WRN: variants seen among roughly 807,000 people sequenced by gnomAD.
WRN encodes the protein bifunctional 3'-5' exonuclease/ATP-dependent helicase WRN.
Under a neutral mutation model 180.7 loss-of-function variants are expected in WRN, and 149 were observed. The observed-to-expected ratio is 0.82, with a 90% confidence interval of 0.72 to 0.94. The LOEUF is 0.94. WRN is among the 40% of genes least tolerant of loss of function. The pLI, the probability that WRN is intolerant of heterozygous loss-of-function variation, is 0.00. For synonymous variants in WRN, 548 were observed against 568.9 expected (o/e 0.96, Z 0.52); for missense variants, 1,661 against 1,700.1 (o/e 0.98, Z 0.40).
At chr8:31,151,783 T>A (rs966479444) in intron 31 of WRN, among the ~76,000 whole-genome samples, 7 of 152,334 alleles carry the variant, frequency 4.6e-5, no homozygotes, top group African/African-American at 1.7e-4. Flanking sequence ...GACTGCTGAT[T>A]TCTGTGATTA....
At chr8:31,079,159 C>T (rs908564629) in intron 8 of WRN, among the ~76,000 whole-genome samples, 1 of 151,966 alleles carries the variant, frequency 6.6e-6, no homozygotes, top group Admixed American at 6.5e-5. Flanking sequence ...TTTAATTTTG[C>T]TCTTGATTTT....
At chr8:31,060,070 CA>C (rs900268738) in intron 3 of WRN, among the ~76,000 whole-genome samples, 2 of 150,444 alleles carry the variant, frequency 1.3e-5, no homozygotes, top group Non-Finnish European at 3.0e-5. Context: ...AAAAAAAATC[CA>C]AAAAAACAAC....
chr8:31,065,064 G>A lies in WRN; in HGVS notation c.504+1G>A, dbSNP rs1163988347. The A allele has an allele frequency of 1.9e-6, 3 of 1,611,916 alleles. No individual in the cohort carries two copies. The highest frequency in any genetic ancestry group is 2.5e-6 in the Non-Finnish European group (3 of 1,178,682). On this transcript the variant is annotated splice_donor_variant, in intron 5 of 34. Transcript: ENST00000298139. LOFTEE classifies it high-confidence loss of function. ...GTTGACAGATGTTGCCAATAAAAAG[G>A]TAAAAGCAATATATATATAATTTTC...
intron 19 of WRN, among the ~76,000 whole-genome samples, 199 bp from the exon 20 acceptor site, chr8:31,116,155 A>G (rs1172734663): frequency 6.6e-6 from 1 of 152,290 alleles, no homozygotes; most frequent in South Asian, 2.1e-4. Context: ...GGGACTTCAC[A>G]CAATTCATTT....
intron 24 of WRN, among the ~76,000 whole-genome samples, chr8:31,138,045 T>G (rs896503351): frequency 6.6e-6 from 1 of 151,640 alleles, no homozygotes; most frequent in Non-Finnish European, 1.5e-5. Flanking sequence ...GAGGCTACAG[T>G]GAGCTATGAT....
rs999003398 is a variant in WRN at position 31,175,817 on chromosome 8, T to C, written c.*2715T>C. Among the ~76,000 whole-genome samples the C allele has an allele frequency of 1.3e-5, 2 of 152,246 alleles. No homozygotes were observed. Among genetic ancestry groups the C allele is most frequent in the African/African-American group, 4.8e-5 (2 of 41,476 alleles). Reference sequence around the variant, plus strand: ...ATTTGCAAAATGTAAACAATGCTGCTGTTCTCAGTTTTTAAAAATATGTTT... The same window carrying C: ...ATTTGCAAAATGTAAACAATGCTGCCGTTCTCAGTTTTTAAAAATATGTTT... On this transcript the variant is annotated 3_prime_UTR_variant, in exon 35 of 35. Transcript: ENST00000298139.
intron 1 of WRN, among the ~76,000 whole-genome samples, chr8:31,050,332 C>T (rs1483778081): frequency 6.6e-6 from 1 of 151,936 alleles, no homozygotes; most frequent in Non-Finnish European, 1.5e-5. Context: ...TTTATGAGAC[C>T]AAAATTTATT....
rs554438191 is a variant in WRN, at chr8:31,110,238, A to G, written c.2089-1377A>G. 2.0e-5 allele frequency among the ~76,000 whole-genome samples: 3 copies of G among 152,300 alleles called. 1 individual carries two copies. The South Asian group carries it at 6.2e-4, about 32-fold the overall frequency. ...CACCCATGTTAGGGGTTAATTAGAG[A>G]AACCAACCTCTTTATAGATTAGCTT... On this transcript the variant is annotated intron_variant, in intron 18 of 34. Transcript: ENST00000298139.
At chr8:31,122,026 T>G (rs1039313277) in intron 21 of WRN, among the ~76,000 whole-genome samples, 1 of 151,972 alleles carries the variant, frequency 6.6e-6, no homozygotes, top group Non-Finnish European at 1.5e-5. Flanking sequence ...TAATATCCAG[T>G]TTTATATTGT....
chr8:31,141,218 CATT>C (rs1204868331), intron 24 of WRN, among the ~76,000 whole-genome samples: 1 of 152,020 alleles, frequency 6.6e-6, no homozygotes, highest in Non-Finnish European at 1.5e-5. Context: ...AATTTCCTGC[CATT>C]ATTTAAGACA....
At position 31,041,629 on chromosome 8, in the gene WRN, C is replaced by T. The variant is rs139667952; in HGVS notation, c.-77+7656C>T. ...CATTTTTGATTGCTTCTAGTGAAAT[C>T]GGAAGCAAGATCATCAGCTAAGAGT... On this transcript the variant is annotated intron_variant, in intron 1 of 34. Coordinates refer to ENST00000298139, the MANE Select transcript of WRN (RefSeq NM_000553.6). Among the ~76,000 whole-genome samples the T allele has an allele frequency of 2.6e-4, 40 of 152,204 alleles. 1 individual carries two copies. Among genetic ancestry groups the T allele is most frequent in the African/African-American group, 8.7e-4 (36 of 41,524 alleles).
At chr8:31,096,469 C>G (rs1018517455) in intron 16 of WRN, among the ~76,000 whole-genome samples, 41 of 152,122 alleles carry the variant, frequency 2.7e-4, no homozygotes, top group African/African-American at 9.9e-4. Context: ...AGATCCCACT[C>G]AAAAGAAATT....
chr8:31,155,930 TCTTA>T (rs1222644512), intron 32 of WRN, among the ~76,000 whole-genome samples: 1 of 152,216 alleles, frequency 6.6e-6, no homozygotes, highest in African/African-American at 2.4e-5. Flanking sequence ...CCATAGCTTA[TCTTA>T]CTTACTGAAT....
At chr8:31,120,533 A>T in intron 21 of WRN, 109 bp downstream of exon 21, 1 of 962,242 alleles carries the variant, frequency 1.0e-6, no homozygotes, top group Admixed American at 3.3e-5. Flanking sequence ...TTGTGAGTGC[A>T]TTTAAAGTAA....
chr8:31,107,001 A>T (rs528733723), intron 18 of WRN, among the ~76,000 whole-genome samples: 2 of 152,226 alleles, frequency 1.3e-5, no homozygotes. Flanking sequence ...ACCATACAAC[A>T]TCCTGCTAGT....
At chr8:31,152,403 A>C (rs889564344) in intron 31 of WRN, among the ~76,000 whole-genome samples, 2 of 152,158 alleles carry the variant, frequency 1.3e-5, no homozygotes, top group Non-Finnish European at 2.9e-5. Flanking sequence ...AAAAAAATTC[A>C]GGGGTAGGGA....
intron 3 of WRN, 107 bp downstream of exon 3, chr8:31,059,372 T>C (rs1028019506): frequency 6.9e-5 from 59 of 860,702 alleles, no homozygotes; most frequent in Admixed American, 4.3e-4. Flanking sequence ...GTGTGTTCAA[T>C]AGATAATTAT....
chr8:31,076,107 G>T, intron 7 of WRN, 66 bp from the exon 8 acceptor site: 1 of 1,274,678 alleles, frequency 7.8e-7, no homozygotes, highest in Non-Finnish European at 1.1e-6. Flanking sequence ...ATTATTTAAT[G>T]AAGTGGCTAA....
chr8:31,068,067 C>T (rs1312080983), intron 6 of WRN, among the ~76,000 whole-genome samples, 191 bp from the exon 7 acceptor site: 3 of 152,112 alleles, frequency 2.0e-5, no homozygotes, highest in Admixed American at 2.0e-4. Flanking sequence ...AAGGCTCAGG[C>T]ACCTTTCTCA....
Sources: allele counts gnomAD v4.1 joint callset (sites outside exome capture counted in the v4.1 genomes callset), GRCh38; gene constraint gnomAD v4.1.1; transcripts MANE v1.5; gene names NCBI Gene and HGNC (gene_info 2026-07-23, HGNC 2026-07-21).